CACNA1I: variants seen among roughly 807,000 people sequenced by gnomAD.
The protein encoded by CACNA1I is voltage-dependent T-type calcium channel subunit alpha-1I.
Under a neutral mutation model 201.6 loss-of-function variants are expected in CACNA1I, and 74 were observed. That is an observed-to-expected ratio of 0.37 (90% CI 0.30 to 0.45). CACNA1I has a LOEUF of 0.45. Ranked by LOEUF, CACNA1I falls within the 20% of genes least tolerant of loss-of-function variation. CACNA1I has a pLI of 1.00. For missense variants in CACNA1I, 2,346 were observed against 3,138.1 expected (o/e 0.75, Z 6.03); for synonymous variants, 1,431 against 1,345.2 (o/e 1.06, Z -1.40).
chr22:39,583,343 T>C (rs550281020), intron 1 of CACNA1I, among the ~76,000 whole-genome samples: 2 of 142,078 alleles, frequency 1.4e-5, no homozygotes, highest in African/African-American at 5.3e-5. Context: ...CATCCATCCA[T>C]CCAGCCAACC....
rs1472275670 is a variant in CACNA1I, at chr22:39,646,777, C to T, written c.1358C>T (p.Ala453Val). The T allele has an allele frequency of 1.3e-6, 2 of 1,577,672 alleles. No individual in the cohort carries two copies. Among genetic ancestry groups the T allele is most frequent in the African/African-American group, 2.7e-5 (2 of 74,042 alleles). The change falls in exon 8 of 37, where the codon GCC becomes GTC. Residue 453 changes from alanine (A) to valine (V), a missense_variant. This residue lies in a region of CACNA1I where 312 missense variants were observed against 331.5 expected (regional missense o/e 0.94). Coordinates refer to ENST00000402142, the MANE Select transcript of CACNA1I (RefSeq NM_021096.4). ...CHILRKAKRR[A>V]LGLYQALQSR... ...ATCCTGCGCAAGGCCAAGCGCCGCG[C>T]CCTGGGCCTCTACCAGGCCCTGCAG...
chr22:39,660,264 C>A, intron 14 of CACNA1I, 80 bp from the exon 15 acceptor site: 1 of 1,060,192 alleles, frequency 9.4e-7, no homozygotes, highest in Non-Finnish European at 1.4e-6. Flanking sequence ...GGTGGAAACA[C>A]CCATAGAAAA....
Position 39,685,830 on chromosome 22 carries a change from G to C in CACNA1I, c.6097G>C (p.Glu2033Gln). 6.7e-7 allele frequency: 1 copy of C among 1,495,510 alleles called. No individual in the cohort carries two copies. Among genetic ancestry groups the C allele is most frequent in the Non-Finnish European group, 8.8e-7 (1 of 1,130,194 alleles). The allele number at this position is 1,495,510 out of a possible 1,614,324, so 92.6% of individuals were successfully genotyped here. A position where few individuals can be genotyped will look rare whatever the true frequency, so the allele number is the denominator to read the frequency against. ...CGCGGGCAGCCTGCAGACCACGCTC[G>C]AGGACAGCCTGACCCTGAGCGACAG... ...SSAGSLQTTL[E>Q]DSLTLSDSPR... The change falls in exon 37 of 37, where the codon GAG becomes CAG. Residue 2033 changes from glutamate to glutamine, a missense_variant. This residue lies in a region of CACNA1I where 441 missense variants were observed against 555.6 expected (regional missense o/e 0.79). Transcript: ENST00000402142. The surrounding 1 kb of genome is among the most constrained non-coding windows in gnomAD (Gnocchi z 5.0).
Position 39,664,912 on chromosome 22 carries a change from A to T in CACNA1I, c.3840A>T (p.Leu1280=). Residue 1280 remains leucine (L), a synonymous_variant, in exon 21 of 37, where the codon CTA becomes CTT. Transcript: ENST00000402142. ...GAGTCTTGCGGCTCCTGCGCACCCT[A>T]CGCCCCCTGCGGTGAGGACCCCTCC... ...VLRVLRLLRT[L]RPLRVISRAP... 1 of 1,611,052 alleles carries T rather than the reference A, an allele frequency of 6.2e-7. No homozygotes were observed. The highest frequency in any genetic ancestry group is 8.5e-7 in the Non-Finnish European group (1 of 1,179,586).
rs879391751 is a variant in CACNA1I at position 39,666,424 on chromosome 22, G to A, written c.4104+418G>A. Among the ~76,000 whole-genome samples, 1 of 152,192 alleles carries A rather than the reference G, an allele frequency of 6.6e-6. No individual in the cohort carries two copies. Among genetic ancestry groups the A allele is most frequent in the African/African-American group, 2.4e-5 (1 of 41,450 alleles). The stretch of plus-strand genomic sequence containing the variant: ...ATAGCCTGCCAGGCAGGCTGCGGTC[G>A]AGATGAAAGGATATCAAGCCCTTGG... On this transcript the variant is annotated intron_variant, in intron 23 of 36. Transcript: ENST00000402142. This position sits in a 1 kb window ranked among gnomAD's most constrained non-coding sequence, Gnocchi z 4.1.
Position 39,646,817 on chromosome 22 carries a change from C to T in CACNA1I, c.1398C>T (p.Ala466=), listed in dbSNP as rs1441455415. ...LYQALQSRRQ[A]LGPEAPAPAK... The stretch of plus-strand genomic sequence containing the variant: ...AGGCCCTGCAGAGCCGGCGCCAGGC[C>T]CTGGGCCCGGAGGCCCCGGCCCCCG... The change falls in exon 8 of 37, where the codon GCC becomes GCT. Residue 466 remains alanine (A), a synonymous_variant. Coordinates refer to ENST00000402142, the MANE Select transcript of CACNA1I (RefSeq NM_021096.4). 2 of 1,548,164 alleles carry T rather than the reference C, an allele frequency of 1.3e-6. No individual in the cohort carries two copies. The highest frequency in any genetic ancestry group is 1.7e-6 in the Non-Finnish European group (2 of 1,146,352).
In CACNA1I at chr22:39,678,005, C is replaced by T. The variant is rs1329010407; in HGVS notation, c.4952C>T (p.Pro1651Leu). The T allele has an allele frequency of 1.9e-6, 3 of 1,595,804 alleles. No individual in the cohort carries two copies. Among genetic ancestry groups the T allele is most frequent in the South Asian group, 1.1e-5 (1 of 87,858 alleles). The change falls in exon 31 of 37, where the codon CCG becomes CTG. Residue 1651 changes from proline (P) to leucine (L), a missense_variant. Coordinates refer to ENST00000402142, the MANE Select transcript of CACNA1I (RefSeq NM_021096.4). The stretch of plus-strand genomic sequence containing the variant: ...CTTCCAGTCTGCAACGACGAGAACC[C>T]GTGCGAGGGCATGAGCCGGCATGCC... ...FGKLVCNDENPCEGMSRHATF... is the reference protein window; with the variant it reads ...FGKLVCNDENLCEGMSRHATF...
chr22:39,572,520 G>T (rs185980570), intron 1 of CACNA1I, among the ~76,000 whole-genome samples: 2 of 152,096 alleles, frequency 1.3e-5, no homozygotes, highest in African/African-American at 4.8e-5. Flanking sequence ...GGAAACCAGC[G>T]GGTCTCTGCT....
intron 4 of CACNA1I, among the ~76,000 whole-genome samples, chr22:39,632,865 G>A (rs140190467): frequency 2.6e-3 from 397 of 150,804 alleles, no homozygotes; most frequent in Admixed American, 4.3e-3. Flanking sequence ...GGGGTGTAGG[G>A]TGGTGGGGAG....
intron 4 of CACNA1I, among the ~76,000 whole-genome samples, chr22:39,628,636 C>A (rs983259759): frequency 1.3e-5 from 2 of 152,108 alleles, no homozygotes; most frequent in African/African-American, 2.4e-5. Flanking sequence ...GGCCTTGGGC[C>A]GGCAGCTGTG....
At chr22:39,657,987 T>C (rs913968678) in intron 10 of CACNA1I, among the ~76,000 whole-genome samples, 165 bp from the exon 11 acceptor site, 4 of 151,930 alleles carry the variant, frequency 2.6e-5, no homozygotes, top group African/African-American at 9.7e-5. Context: ...GGTAGCAGAG[T>C]TGAGAGGGGC....
At position 39,649,750 on chromosome 22, in the gene CACNA1I, G is replaced by C. The variant is rs1297476028; in HGVS notation, c.1817G>C (p.Gly606Ala). Residue 606 changes from glycine (G) to alanine (A), a missense_variant, in exon 10 of 37, where the codon GGG becomes GCG. Physicochemically the swap from Gly to Ala is moderately conservative, Grantham distance 60. Transcript: ENST00000402142. The surrounding 1 kb of genome is among the most constrained non-coding windows in gnomAD (Gnocchi z 7.3). ...GAGGACGGAGCCTCCTCAGAACTGGGGAAGGAGGAGGAGGAGGAGGAGCAG... is the reference window on the plus strand; with the variant it reads ...GAGGACGGAGCCTCCTCAGAACTGGCGAAGGAGGAGGAGGAGGAGGAGCAG... ...SSEDGASSEL[G>A]KEEEEEEQAD... 6.3e-7 allele frequency: 1 copy of C among 1,586,962 alleles called. No homozygotes were observed. Among genetic ancestry groups the C allele is most frequent in the African/African-American group, 1.3e-5 (1 of 74,370 alleles).
chr22:39,591,012 T>TA (rs199694726), intron 1 of CACNA1I, among the ~76,000 whole-genome samples: 27 of 119,172 alleles, frequency 2.3e-4, no homozygotes, highest in African/African-American at 8.1e-4. Flanking sequence ...GCTGGCTAAT[T>TA]AAAAAATTTT....
chr22:39,679,168 C>T lies in CACNA1I; in HGVS notation c.5117C>T (p.Ser1706Leu), dbSNP rs1935603487. Residue 1706 changes from serine (S) to leucine (L), a missense_variant, in exon 32 of 37, where the codon TCG becomes TTG. Around this residue, in one of 13 missense-constraint regions of CACNA1I, gnomAD observed 64 missense variants for 131.8 expected, o/e 0.49. Coordinates refer to ENST00000402142, the MANE Select transcript of CACNA1I (RefSeq NM_021096.4). Reference protein sequence around the residue: ...RSCLSSLQFVSPLYFVSFVLT... With the variant: ...RSCLSSLQFVLPLYFVSFVLT... ...TGCCTGAGCAGCCTGCAGTTTGTGTCGCCGCTGTACTTCGTGAGCTTCGTG... is the reference window on the plus strand; with the variant it reads ...TGCCTGAGCAGCCTGCAGTTTGTGTTGCCGCTGTACTTCGTGAGCTTCGTG... 6.3e-7 allele frequency: 1 copy of T among 1,591,740 alleles called. No individual in the cohort carries two copies. Among genetic ancestry groups the T allele is most frequent in the Non-Finnish European group, 8.5e-7 (1 of 1,170,338 alleles).
rs764819732 is a variant in CACNA1I, at chr22:39,662,857, C to T, written c.3454C>T (p.Leu1152Phe). 2 of 1,595,356 alleles carry T rather than the reference C, an allele frequency of 1.3e-6. No homozygotes were observed. The highest frequency in any genetic ancestry group is 1.3e-5 in the African/African-American group (1 of 74,632). The part of the protein sequence containing the change: ...CEVREDWSVY[L>F]FSPENRFRVL... Reference sequence around the variant, plus strand: ...GGTCCGCGAAGACTGGTCTGTCTACCTCTTCTCTCCCGAGAACAGGTGGGC... The same window carrying T: ...GGTCCGCGAAGACTGGTCTGTCTACTTCTTCTCTCCCGAGAACAGGTGGGC... The change falls in exon 18 of 37, where the codon CTC becomes TTC. Residue 1152 changes from leucine (L) to phenylalanine (F), a missense_variant. Transcript: ENST00000402142.
At chr22:39,668,829 AG>A (rs1935278608) in intron 24 of CACNA1I, among the ~76,000 whole-genome samples, 1 of 152,160 alleles carries the variant, frequency 6.6e-6, no homozygotes, top group South Asian at 2.1e-4. Flanking sequence ...GTGGTCTGCA[AG>A]CCCCCGGGTG....
intron 1 of CACNA1I, among the ~76,000 whole-genome samples, chr22:39,592,097 A>G (rs1344616363): frequency 6.6e-6 from 1 of 152,114 alleles, no homozygotes; most frequent in Non-Finnish European, 1.5e-5. Context: ...GGCTGTGCTG[A>G]GGCGCTGGGG....
In CACNA1I at chr22:39,686,261, G is replaced by A; in HGVS notation, c.6528G>A (p.Arg2176=). The A allele has an allele frequency of 7.8e-7, 1 of 1,289,838 alleles. No individual in the cohort carries two copies. The highest frequency in any genetic ancestry group is 2.2e-5 in the South Asian group (1 of 45,208). 79.9% of individuals were successfully genotyped at this position (1,289,838 alleles called of 1,614,324 possible). The change falls in exon 37 of 37, where the codon CGG becomes CGA. Residue 2176 remains arginine, a synonymous_variant. Coordinates refer to ENST00000402142, the MANE Select transcript of CACNA1I (RefSeq NM_021096.4). The part of the protein sequence containing the change: ...HAAALAHGLA[R]SPSWAADRSK... ...CCGCCCTGGCCCACGGCCTGGCCCG[G>A]AGCCCCTCGTGGGCCGCGGACCGCA...
In CACNA1I at chr22:39,687,776, A is replaced by G. The variant is rs1254620064; in HGVS notation, c.*1371A>G. On this transcript the variant is annotated 3_prime_UTR_variant, in exon 37 of 37. Transcript: ENST00000402142. ...ATTTATTTCACTATTTATTGGGAAA[A>G]AAATGCATTGAACCCGTGATTTCAC... 1 of 152,264 alleles carries G rather than the reference A, an allele frequency of 6.6e-6. No homozygotes were observed. 9.4% of individuals were successfully genotyped at this position (152,264 alleles called of 1,614,324 possible).
Sources: allele counts gnomAD v4.1 joint callset (sites outside exome capture counted in the v4.1 genomes callset), GRCh38; gene constraint gnomAD v4.1.1; regional missense constraint gnomAD v4.1.1; non-coding constraint Gnocchi (gnomAD v3.1); transcripts MANE v1.5; gene names NCBI Gene and HGNC (gene_info 2026-07-23, HGNC 2026-07-21).